The following PCDH9 variants were observed in gnomAD, a reference collection of about 807,000 sequenced individuals.
PCDH9 encodes protocadherin 9, also known as protocadherin-9.
In PCDH9, 24 loss-of-function variants were observed where a neutral mutation model predicts 70.6. The ratio of observed to expected loss-of-function variants is 0.34; its 90% CI spans 0.25 to 0.48. The LOEUF (loss-of-function observed/expected upper bound fraction) is 0.48, where lower values mean the gene tolerates loss of function less well. Ranked by LOEUF, PCDH9 falls within the 20% of genes least tolerant of loss-of-function variation. The pLI is 0.99. For missense variants in PCDH9, 1,281 were observed against 1,503.6 expected (o/e 0.85, Z 2.45); for synonymous variants, 562 against 558.5 (o/e 1.01, Z -0.09).
intron 4 of PCDH9, among the ~76,000 whole-genome samples, chr13:66,439,950 T>C (rs892379233): frequency 2.0e-5 from 3 of 152,152 alleles, no homozygotes; most frequent in African/African-American, 7.2e-5. Context: ...TTAATGGCAA[T>C]CCATACTGCG....
intron 4 of PCDH9, among the ~76,000 whole-genome samples, chr13:66,623,441 CT>C (rs372825097): frequency 4.0e-5 from 6 of 148,688 alleles, no homozygotes; most frequent in Admixed American, 1.3e-4. Flanking sequence ...TTTTCTTTTT[CT>C]TTTTTTTTTG....
At chr13:66,957,520 G>A (rs914054709) in intron 2 of PCDH9, among the ~76,000 whole-genome samples, 2 of 152,170 alleles carry the variant, frequency 1.3e-5, no homozygotes, top group Non-Finnish European at 2.9e-5. Context: ...TTTTAGAAAA[G>A]TTGCTGGGAA....
In PCDH9 at chr13:66,932,086, G is replaced by A. The variant is rs114283881; in HGVS notation, c.3037-28481C>T. ...GACACAGACATTAGTACCTGTGATCGTAACAGGAAGGAAATTGTGCAGTCT... is the reference window on the plus strand; with the variant it reads ...GACACAGACATTAGTACCTGTGATCATAACAGGAAGGAAATTGTGCAGTCT... On this transcript the variant is annotated intron_variant, in intron 2 of 4. Transcript: ENST00000377865. Among the ~76,000 whole-genome samples the A allele has an allele frequency of 9.2e-3, 1,407 of 152,174 alleles. 18 individuals carry two copies. The highest frequency in any genetic ancestry group is 0.032 in the African/African-American group (1,330 of 41,526).
chr13:66,605,521 G>A (rs1340995694), intron 4 of PCDH9, among the ~76,000 whole-genome samples: 1 of 152,132 alleles, frequency 6.6e-6, no homozygotes, highest in Non-Finnish European at 1.5e-5. Flanking sequence ...GTATTGAACT[G>A]TAGGCTTAAT....
At chr13:66,969,721 T>TA (rs1310124963) in intron 2 of PCDH9, among the ~76,000 whole-genome samples, 2 of 152,058 alleles carry the variant, frequency 1.3e-5, no homozygotes, top group Non-Finnish European at 2.9e-5. Context: ...TGGGATTTTT[T>TA]ATCAAAATTC....
At chr13:66,475,616 T>C (rs753764545) in intron 4 of PCDH9, among the ~76,000 whole-genome samples, 10 of 152,032 alleles carry the variant, frequency 6.6e-5, no homozygotes, top group Non-Finnish European at 1.2e-4. Context: ...ATCTTTCCTA[T>C]GCCCACACAA....
rs1303564042 is a variant in PCDH9, at chr13:66,393,244, T to C, written c.3341-88216A>G. Among the ~76,000 whole-genome samples the C allele has an allele frequency of 3.9e-5, 6 of 152,198 alleles. No individual in the cohort carries two copies. In the East Asian group the frequency reaches 1.2e-3, roughly 29 times the overall value. On this transcript the variant is annotated intron_variant, in intron 4 of 4. Transcript: ENST00000377865. The stretch of plus-strand genomic sequence containing the variant: ...AATAGAAAATTCAGAATACAGGTGG[T>C]ATTTCATGTCTACAAGTAGCCACTT...
chr13:66,850,489 C>T (rs553409107), intron 3 of PCDH9, among the ~76,000 whole-genome samples: 336 of 142,772 alleles, frequency 2.4e-3, no homozygotes, highest in Non-Finnish European at 3.8e-3. Context: ...CCAGCCTGGG[C>T]AACAAGAGTG....
At chr13:66,832,464 C>A (rs2080944639) in intron 3 of PCDH9, among the ~76,000 whole-genome samples, 1 of 151,834 alleles carries the variant, frequency 6.6e-6, no homozygotes, top group African/African-American at 2.4e-5. Flanking sequence ...TATGCAAAAT[C>A]AAATCTCTAC....
At chr13:66,852,642 T>C (rs777758717) in intron 3 of PCDH9, among the ~76,000 whole-genome samples, 4 of 152,192 alleles carry the variant, frequency 2.6e-5, no homozygotes, top group African/African-American at 4.8e-5. Flanking sequence ...AGATATTTTA[T>C]AGAACTTGTT....
chr13:66,332,346 T>C (rs1321549859), intron 4 of PCDH9, among the ~76,000 whole-genome samples: 2 of 152,168 alleles, frequency 1.3e-5, no homozygotes, highest in Non-Finnish European at 2.9e-5. Flanking sequence ...GCCACTGTTG[T>C]CCATGATAAT....
intron 2 of PCDH9, among the ~76,000 whole-genome samples, chr13:66,952,569 A>G (rs1489738669): frequency 6.6e-6 from 1 of 152,204 alleles, no homozygotes; most frequent in Non-Finnish European, 1.5e-5. Flanking sequence ...ACAATTGCAA[A>G]GTATTAAATG....
At chr13:67,182,158 G>T (rs1201313077) in intron 2 of PCDH9, among the ~76,000 whole-genome samples, 1 of 152,104 alleles carries the variant, frequency 6.6e-6, no homozygotes, top group Non-Finnish European at 1.5e-5. Context: ...TCCTTCTCAG[G>T]ACTCATAAGT....
At chr13:67,049,032 T>C (rs1275546218) in intron 2 of PCDH9, among the ~76,000 whole-genome samples, 1 of 152,212 alleles carries the variant, frequency 6.6e-6, no homozygotes, top group African/African-American at 2.4e-5. Flanking sequence ...ACTTTGTAGA[T>C]AGGAGTGCAT....
intron 3 of PCDH9, among the ~76,000 whole-genome samples, chr13:66,676,795 T>C (rs1198287869): frequency 6.6e-6 from 1 of 152,112 alleles, no homozygotes; most frequent in Non-Finnish European, 1.5e-5. Flanking sequence ...CATGCATGTT[T>C]TAGAGTGCAG....
chr13:66,401,053 GC>G (rs1015598845), intron 4 of PCDH9, among the ~76,000 whole-genome samples: 2 of 152,194 alleles, frequency 1.3e-5, no homozygotes, highest in Non-Finnish European at 2.9e-5. Context: ...GTGTGAAAGT[GC>G]TTTTTTGACC....
At chr13:67,021,515 G>A (rs970274982) in intron 2 of PCDH9, among the ~76,000 whole-genome samples, 6 of 152,148 alleles carry the variant, frequency 3.9e-5, no homozygotes, top group African/African-American at 1.4e-4. Context: ...GGGTTTAAAA[G>A]TTTATATGCC....
At chr13:66,861,780 C>T (rs998689449) in intron 3 of PCDH9, among the ~76,000 whole-genome samples, 3 of 152,050 alleles carry the variant, frequency 2.0e-5, no homozygotes, top group Admixed American at 1.3e-4. Context: ...AATAAAATGG[C>T]ACTACTTTCA....
intron 4 of PCDH9, among the ~76,000 whole-genome samples, chr13:66,425,711 A>G (rs1957656907): frequency 6.6e-6 from 1 of 151,798 alleles, no homozygotes; most frequent in Non-Finnish European, 1.5e-5. Context: ...AACATTTGAT[A>G]TTGTCTAGGT....
Sources: gnomAD v4.1 joint callset for allele counts (sites outside exome capture counted in the v4.1 genomes callset) on GRCh38, gnomAD v4.1.1 for gene constraint, MANE v1.5 for transcripts, NCBI Gene and HGNC (gene_info 2026-07-23, HGNC 2026-07-21) for gene names.